Variants in BCL11B observed in about 807,000 individuals in gnomAD.
BCL11B encodes BCL11 transcription factor B.
In BCL11B, 8 loss-of-function variants were observed where a neutral mutation model predicts 49.9. The observed-to-expected ratio is 0.16, with a 90% CI of 0.09 to 0.29. The LOEUF (loss-of-function observed/expected upper bound fraction) is 0.29, where lower values mean the gene tolerates loss of function less well. BCL11B is among the 10% of genes least tolerant of loss of function. The probability of loss-of-function intolerance (pLI) is 1.00; values close to 1 mark genes in which losing one functional copy is unlikely to be tolerated. For missense variants in BCL11B, 1,006 were observed against 1,351.0 expected, an observed-to-expected ratio of 0.74 and a Z score of 4.00; for synonymous variants, 739 against 637.4, an observed-to-expected ratio of 1.16 and a Z score of -2.40.
At chr14:99,238,750 C>T (rs1245735599) in intron 2 of BCL11B, among the ~76,000 whole-genome samples, 1 of 152,176 alleles carries the variant, frequency 6.6e-6, no homozygotes, top group Non-Finnish European at 1.5e-5. Context: ...AACACTTGTC[C>T]TCCAGCCGGG....
In BCL11B at chr14:99,169,615, G is replaced by A. The variant is rs1566789283; in HGVS notation, c.*4536C>T. 1 of 210,234 alleles carries A rather than the reference G, an allele frequency of 4.8e-6. No homozygotes were observed. The highest frequency in any genetic ancestry group is 9.7e-6 in the Non-Finnish European group (1 of 103,284). The allele number at this position is 210,234 out of a possible 1,614,324, so 13.0% of individuals were successfully genotyped here. ...CAAAACCTCCAAGTAAACAACAAAA[G>A]CTCATACAATAAGTAATAGAAAAGG... On this transcript the variant is annotated 3_prime_UTR_variant, in exon 4 of 4. Coordinates refer to ENST00000357195, the MANE Select transcript of BCL11B (RefSeq NM_138576.4).
At chr14:99,269,644 G>A (rs1403133904) in intron 1 of BCL11B, among the ~76,000 whole-genome samples, 2 of 151,904 alleles carry the variant, frequency 1.3e-5, no homozygotes, top group East Asian at 3.9e-4. Flanking sequence ...CAGGGGAGGG[G>A]AGAACCACTT....
At chr14:99,211,068 C>T (rs187709468) in intron 3 of BCL11B, among the ~76,000 whole-genome samples, 7 of 152,274 alleles carry the variant, frequency 4.6e-5, no homozygotes, top group Admixed American at 2.0e-4. Flanking sequence ...CCTGCAGATG[C>T]GGGCCCCGTC....
intron 2 of BCL11B, among the ~76,000 whole-genome samples, chr14:99,233,744 G>T (rs1296222827): frequency 6.6e-6 from 1 of 152,192 alleles, no homozygotes; most frequent in African/African-American, 2.4e-5. Context: ...CTGTAAAGGC[G>T]ATGTCACACA....
Position 99,174,074 on chromosome 14 carries a change from G to A in BCL11B, c.*77C>T. ...GCGGGGTGCGGGGTGGCGGTGACAC[G>A]GAGGCAAGTCAGGTCAGCATTCTCT... On this transcript the variant is annotated 3_prime_UTR_variant, in exon 4 of 4. Transcript: ENST00000357195. 4 of 1,465,302 alleles carry A rather than the reference G, an allele frequency of 2.7e-6. No individual in the cohort carries two copies. The highest frequency in any genetic ancestry group is 2.4e-5 in the East Asian group (1 of 42,214). 90.8% of individuals were successfully genotyped at this position (1,465,302 alleles called of 1,614,324 possible). A position where few individuals can be genotyped will look rare whatever the true frequency, so the allele number is the denominator to read the frequency against.
intron 2 of BCL11B, among the ~76,000 whole-genome samples, chr14:99,239,708 A>C (rs1888607264): frequency 6.6e-6 from 1 of 152,180 alleles, no homozygotes; most frequent in Non-Finnish European, 1.5e-5. Flanking sequence ...GAAAACACTG[A>C]ATCCTGACAC....
Position 99,192,162 on chromosome 14 carries a change from C to T in BCL11B, c.641-15967G>A, listed in dbSNP as rs1371729971. Among the ~76,000 whole-genome samples, 2 of 152,188 alleles carry T rather than the reference C, an allele frequency of 1.3e-5. No homozygotes were observed. The highest frequency in any genetic ancestry group is 4.8e-5 in the African/African-American group (2 of 41,452). On this transcript the variant is annotated intron_variant, in intron 3 of 3. Coordinates refer to ENST00000357195, the MANE Select transcript of BCL11B (RefSeq NM_138576.4). This position sits in a 1 kb window ranked among gnomAD's most constrained non-coding sequence, Gnocchi z 4.0. ...AAGTCAATTTTTCCTCTATTTGCAGCAGTGCTGGCTCCACTGGACGGAATG... is the reference window on the plus strand; with the variant it reads ...AAGTCAATTTTTCCTCTATTTGCAGTAGTGCTGGCTCCACTGGACGGAATG...
intron 3 of BCL11B, among the ~76,000 whole-genome samples, chr14:99,198,431 T>C (rs1887240892): frequency 6.6e-6 from 1 of 152,198 alleles, no homozygotes; most frequent in East Asian, 1.9e-4. Flanking sequence ...GCTTGACATT[T>C]TCCCACATCG....
chr14:99,176,849 A>C (rs544385901), intron 3 of BCL11B, among the ~76,000 whole-genome samples: 1 of 152,212 alleles, frequency 6.6e-6, no homozygotes, highest in African/African-American at 2.4e-5. Flanking sequence ...CTTTGAGAAC[A>C]ACCAATTCTG....
At chr14:99,256,285 G>A (rs1889161553) in intron 2 of BCL11B, among the ~76,000 whole-genome samples, 2 of 152,130 alleles carry the variant, frequency 1.3e-5, no homozygotes, top group South Asian at 4.1e-4. Flanking sequence ...CTTGCACACC[G>A]CAGAGCCAGA....
chr14:99,243,918 TAAAAAAAAAAAAAAAAAA>T (rs200999902), intron 2 of BCL11B, among the ~76,000 whole-genome samples: 1,759 of 128,148 alleles, frequency 0.014, 47 homozygotes, highest in African/African-American at 0.046. Context: ...ACATTGCTCC[TAAAAAAAAAAAAAAAAAA>T]AAAAAAAAAA....
intron 3 of BCL11B, among the ~76,000 whole-genome samples, chr14:99,188,365 C>T (rs1463381903): frequency 1.3e-5 from 2 of 152,174 alleles, no homozygotes; most frequent in Non-Finnish European, 2.9e-5. Context: ...AAGTAATTTC[C>T]CCCCAGTGGG....
Position 99,173,163 on chromosome 14 carries a change from C to G in BCL11B, c.*988G>C, listed in dbSNP as rs1290282368. The stretch of plus-strand genomic sequence containing the variant: ...CGCTAGTTTCTTCCTTTCTGTGTCA[C>G]TGCAGGCCACCCCATCTCCCCAAAA... On this transcript the variant is annotated 3_prime_UTR_variant, in exon 4 of 4. Transcript: ENST00000357195. 2.6e-5 allele frequency: 6 copies of G among 230,588 alleles called. No individual in the cohort carries two copies. Among genetic ancestry groups the G allele is most frequent in the Non-Finnish European group, 5.2e-5 (6 of 116,396 alleles). The allele number at this position is 230,588 out of a possible 1,614,324, so 14.3% of individuals were successfully genotyped here.
intron 2 of BCL11B, among the ~76,000 whole-genome samples, chr14:99,239,102 C>A (rs1178880966): frequency 6.6e-6 from 1 of 152,224 alleles, no homozygotes; most frequent in Non-Finnish European, 1.5e-5. Flanking sequence ...CAAATTGCAA[C>A]TGAGAGATTC....
chr14:99,201,417 C>T (rs1887379676), intron 3 of BCL11B, among the ~76,000 whole-genome samples: 1 of 152,192 alleles, frequency 6.6e-6, no homozygotes, highest in Admixed American at 6.5e-5. Context: ...CTGTCATGAT[C>T]ATCACCATCC....
In BCL11B at chr14:99,174,087, G is replaced by T; in HGVS notation, c.*64C>A. 6.5e-7 allele frequency: 1 copy of T among 1,535,592 alleles called. No homozygotes were observed. Among genetic ancestry groups the T allele is most frequent in the Non-Finnish European group, 8.9e-7 (1 of 1,129,604 alleles). ...TGGCGGTGACACGGAGGCAAGTCAG[G>T]TCAGCATTCTCTCGGTTGGCAACGG... On this transcript the variant is annotated 3_prime_UTR_variant, in exon 4 of 4. Transcript: ENST00000357195.
Position 99,171,002 on chromosome 14 carries a change from C to G in BCL11B, c.*3149G>C, listed in dbSNP as rs1257893624. ...ATGGTAGAGAAGGAAGATGTTCTCT[C>G]GCTCTCTCTCCTCTACATCTGACAT... On this transcript the variant is annotated 3_prime_UTR_variant, in exon 4 of 4. Transcript: ENST00000357195. 9.5e-5 allele frequency: 22 copies of G among 232,228 alleles called. No individual in the cohort carries two copies. The East Asian group carries it at 1.3e-3, about 14-fold the overall frequency. The allele number at this position is 232,228 out of a possible 1,614,324, so 14.4% of individuals were successfully genotyped here.
chr14:99,225,279 T>C (rs540320741), intron 3 of BCL11B, among the ~76,000 whole-genome samples: 21 of 152,300 alleles, frequency 1.4e-4, no homozygotes, highest in African/African-American at 4.6e-4. Flanking sequence ...GTTTCCCCAT[T>C]TATATAATGA....
At position 99,195,638 on chromosome 14, in the gene BCL11B, G is replaced by T. The variant is rs927534063; in HGVS notation, c.641-19443C>A. Among the ~76,000 whole-genome samples, 6 of 152,156 alleles carry T rather than the reference G, an allele frequency of 3.9e-5. No individual in the cohort carries two copies. The highest frequency in any genetic ancestry group is 7.3e-5 in the Non-Finnish European group (5 of 68,032). On this transcript the variant is annotated intron_variant, in intron 3 of 3. Coordinates refer to ENST00000357195, the MANE Select transcript of BCL11B (RefSeq NM_138576.4). The surrounding 1 kb of genome is among the most constrained non-coding windows in gnomAD (Gnocchi z 4.7). ...AAAGCAACCCACCCGAGGATACACA[G>T]CTTACATCCATCCCAGGGCCTGCAG...
Sources: allele counts gnomAD v4.1 joint callset (sites outside exome capture counted in the v4.1 genomes callset), GRCh38; gene constraint gnomAD v4.1.1; non-coding constraint Gnocchi (gnomAD v3.1); transcripts MANE v1.5; gene names NCBI Gene and HGNC (gene_info 2026-07-23, HGNC 2026-07-21).